LRP1B: variants seen among roughly 807,000 people sequenced by gnomAD.
LRP1B encodes the protein low-density lipoprotein receptor-related protein 1B.
A neutral mutation model predicts 556.6 loss-of-function variants in LRP1B; 217 were observed. The observed-to-expected ratio is 0.39, with a 90% CI of 0.35 to 0.44. LRP1B has a LOEUF of 0.44. Ranked by LOEUF, LRP1B falls within the 20% of genes least tolerant of loss-of-function variation. The pLI is 1.00. For synonymous variants in LRP1B, 2,047 were observed against 1,865.8 expected, an observed-to-expected ratio of 1.10 and a Z score of -2.50; for missense variants, 5,053 against 5,620.8, an observed-to-expected ratio of 0.90 and a Z score of 3.23.
intron 18 of LRP1B, among the ~76,000 whole-genome samples, chr2:140,960,170 T>C: frequency 6.6e-6 from 1 of 151,176 alleles, no homozygotes; most frequent in Admixed American, 6.6e-5. Context: ...ACCCAGGCAA[T>C]TGCCTTTTAT....
At chr2:140,269,600 A>G (rs1682367992) in intron 86 of LRP1B, among the ~76,000 whole-genome samples, 1 of 152,002 alleles carries the variant, frequency 6.6e-6, no homozygotes, top group Non-Finnish European at 1.5e-5. Context: ...TTGGTCAAAC[A>G]GTGATGAAAC....
intron 7 of LRP1B, among the ~76,000 whole-genome samples, chr2:141,145,926 T>C (rs1424108582): frequency 4.5e-5 from 6 of 133,500 alleles, no homozygotes; most frequent in African/African-American, 1.8e-4. Context: ...TTCTTTCTTT[T>C]TTTTTTTTTT....
chr2:140,377,686 T>G (rs1683295590), intron 68 of LRP1B, among the ~76,000 whole-genome samples: 2 of 152,334 alleles, frequency 1.3e-5, no homozygotes, highest in Admixed American at 1.3e-4. Context: ...TGTGTGTACA[T>G]AGGCCTTATT....
chr2:141,372,422 CCTT>C (rs1017834014), intron 3 of LRP1B, among the ~76,000 whole-genome samples: 1 of 151,984 alleles, frequency 6.6e-6, no homozygotes, highest in African/African-American at 2.4e-5. Context: ...AGAACTCCCT[CCTT>C]AATTTTTTGG....
At chr2:141,561,024 A>G (rs1686130318) in intron 2 of LRP1B, among the ~76,000 whole-genome samples, 2 of 151,786 alleles carry the variant, frequency 1.3e-5, no homozygotes, top group Non-Finnish European at 3.0e-5. Context: ...TGAGTAATCA[A>G]ACTATGAATT....
chr2:140,982,369 A>C, intron 17 of LRP1B, 93 bp from the exon 18 acceptor site: 2 of 739,448 alleles, frequency 2.7e-6, no homozygotes, highest in Non-Finnish European at 4.6e-6. Context: ...TTCATACATA[A>C]GATAGTATGT....
intron 25 of LRP1B, among the ~76,000 whole-genome samples, chr2:140,878,300 G>T (rs1158981067): frequency 1.3e-5 from 2 of 151,788 alleles, no homozygotes; most frequent in East Asian, 3.9e-4. Context: ...TTCAATATTG[G>T]GGCCTATTTT....
At chr2:140,903,200 C>G (rs781027327) in intron 22 of LRP1B, 35 bp from the exon 23 acceptor site, 23 of 1,600,772 alleles carry the variant, frequency 1.4e-5, no homozygotes, top group Non-Finnish European at 1.6e-5. Context: ...TAGGTCTTAT[C>G]AATTGCTTTC....
chr2:141,008,070 T>C (rs143413906), intron 14 of LRP1B, among the ~76,000 whole-genome samples: 2 of 151,556 alleles, frequency 1.3e-5, no homozygotes, highest in Admixed American at 6.6e-5. Flanking sequence ...CATATGATAG[T>C]ATTTTTTGAA....
At chr2:141,872,390 G>A (rs970436855) in intron 1 of LRP1B, among the ~76,000 whole-genome samples, 2 of 151,720 alleles carry the variant, frequency 1.3e-5, no homozygotes, top group Admixed American at 1.3e-4. Context: ...CCCAAAGGAG[G>A]ACAGATTTGA....
At chr2:142,007,912 C>T (rs1027757900) in intron 1 of LRP1B, among the ~76,000 whole-genome samples, 5 of 152,134 alleles carry the variant, frequency 3.3e-5, no homozygotes, top group African/African-American at 1.2e-4. Flanking sequence ...ATCCCTACTT[C>T]GTTCAATTGT....
chr2:141,277,101 C>A (rs1415873443), intron 3 of LRP1B, among the ~76,000 whole-genome samples: 1 of 152,148 alleles, frequency 6.6e-6, no homozygotes, highest in African/African-American at 2.4e-5. Context: ...AATAAACATG[C>A]AAGTGCATAC....
chr2:142,044,853 T>C (rs1361001750), intron 1 of LRP1B, among the ~76,000 whole-genome samples: 2 of 151,722 alleles, frequency 1.3e-5, no homozygotes, highest in Non-Finnish European at 2.9e-5. Context: ...TTGACCCATT[T>C]TACTTCTTTC....
intron 82 of LRP1B, among the ~76,000 whole-genome samples, chr2:140,321,344 A>C (rs532146915): frequency 1.3e-5 from 2 of 151,196 alleles, no homozygotes; most frequent in East Asian, 3.9e-4. Flanking sequence ...TGAATGAAAA[A>C]AATCTTATCC....
chr2:140,455,451 T>A (rs1687058200), intron 62 of LRP1B, among the ~76,000 whole-genome samples: 1 of 152,132 alleles, frequency 6.6e-6, no homozygotes. Context: ...AATATTATAA[T>A]CCCATTTAAA....
intron 13 of LRP1B, among the ~76,000 whole-genome samples, chr2:141,013,969 T>A (rs1001579644): frequency 3.3e-5 from 5 of 152,098 alleles, no homozygotes; most frequent in Non-Finnish European, 5.9e-5. Flanking sequence ...CCATTTATTA[T>A]TTATTATTAA....
chr2:141,062,504 T>C (rs1221475556), intron 7 of LRP1B, among the ~76,000 whole-genome samples: 3 of 151,788 alleles, frequency 2.0e-5, no homozygotes, highest in African/African-American at 7.2e-5. Flanking sequence ...TTCCCCAAAA[T>C]GAATGATTAT....
chr2:141,265,220 T>C (rs1216766814), intron 3 of LRP1B, among the ~76,000 whole-genome samples: 9 of 152,166 alleles, frequency 5.9e-5, no homozygotes, highest in Admixed American at 2.6e-4. Context: ...TACCAGCGGC[T>C]GCAGAGGTGG....
chr2:141,720,306 G>A (rs1438205368), intron 2 of LRP1B, among the ~76,000 whole-genome samples: 1 of 152,098 alleles, frequency 6.6e-6, no homozygotes, highest in Non-Finnish European at 1.5e-5. Context: ...ATACATGGAT[G>A]TAAGTGGCAA....
Sources: allele counts gnomAD v4.1 joint callset (sites outside exome capture counted in the v4.1 genomes callset), GRCh38; gene constraint gnomAD v4.1.1; transcripts MANE v1.5; gene names NCBI Gene and HGNC (gene_info 2026-07-23, HGNC 2026-07-21).